Variants in MYO3A observed in about 807,000 individuals in gnomAD.
MYO3A encodes myosin IIIA, also known as myosin-IIIa.
In MYO3A, 180 loss-of-function variants were observed where a neutral mutation model predicts 192.7. That is an observed-to-expected ratio of 0.93 (90% confidence interval 0.83 to 1.06). The LOEUF is 1.06. MYO3A is among the 50% of genes least tolerant of loss of function. MYO3A has a pLI of 0.00. For missense variants in MYO3A, 1,896 were observed against 1,905.0 expected (o/e 1.00, Z 0.09); for synonymous variants, 628 against 645.3 (o/e 0.97, Z 0.41).
chr10:26,060,285 A>AG, intron 10 of MYO3A, among the ~76,000 whole-genome samples: 1 of 106,886 alleles, frequency 9.4e-6, no homozygotes, highest in South Asian at 3.2e-4. Context: ...AAATACATAC[A>AG]TAAATAAATA....
chr10:26,025,161 T>G (rs1172164115), intron 9 of MYO3A, among the ~76,000 whole-genome samples: 2 of 152,214 alleles, frequency 1.3e-5, no homozygotes, highest in Non-Finnish European at 2.9e-5. Context: ...GAGCACTTGT[T>G]CTTATTTTTT....
chr10:26,012,031 A>G (rs1461854867), intron 6 of MYO3A, among the ~76,000 whole-genome samples: 1 of 152,194 alleles, frequency 6.6e-6, no homozygotes, highest in Non-Finnish European at 1.5e-5. Context: ...CAGAAAAAGC[A>G]TTTAACAGAA....
chr10:26,099,108 C>T (rs1454576023), intron 17 of MYO3A, among the ~76,000 whole-genome samples: 3 of 152,106 alleles, frequency 2.0e-5, no homozygotes, highest in African/African-American at 2.4e-5. Context: ...TGTAGTTCTC[C>T]TTGAAGAGGT....
chr10:25,983,606 T>G (rs1839469983), intron 4 of MYO3A, among the ~76,000 whole-genome samples: 1 of 152,182 alleles, frequency 6.6e-6, no homozygotes, highest in African/African-American at 2.4e-5. Flanking sequence ...AATTTGGGAC[T>G]ATGTTAAATA....
intron 14 of MYO3A, among the ~76,000 whole-genome samples, chr10:26,086,716 A>G (rs1281870387): frequency 6.6e-6 from 1 of 152,082 alleles, no homozygotes; most frequent in Non-Finnish European, 1.5e-5. Flanking sequence ...TTCTAGAAGT[A>G]TCATTCTAAA....
chr10:26,081,787 T>G (rs1399477187), intron 14 of MYO3A, among the ~76,000 whole-genome samples: 3 of 152,154 alleles, frequency 2.0e-5, no homozygotes, highest in African/African-American at 7.2e-5. Flanking sequence ...ATGGATTCAG[T>G]TCCGTGTAAA....
At chr10:26,092,381 G>T (rs1021075353) in intron 15 of MYO3A, among the ~76,000 whole-genome samples, 14 of 151,880 alleles carry the variant, frequency 9.2e-5, no homozygotes, top group Non-Finnish European at 2.9e-5. Flanking sequence ...CAGGAGAATG[G>T]CATGAACCTG....
intron 10 of MYO3A, among the ~76,000 whole-genome samples, chr10:26,055,252 A>G (rs1192314677): frequency 1.3e-5 from 2 of 152,134 alleles, no homozygotes; most frequent in African/African-American, 4.8e-5. Context: ...CACCTTCATA[A>G]AGACAGGCTC....
chr10:26,129,439 C>T (rs141773885), intron 20 of MYO3A, among the ~76,000 whole-genome samples: 23 of 152,276 alleles, frequency 1.5e-4, no homozygotes, highest in African/African-American at 4.8e-4. Context: ...CTCCTCTGCT[C>T]CTCTCTGTCG....
chr10:26,101,814 C>T (rs950990254), intron 17 of MYO3A, among the ~76,000 whole-genome samples: 1 of 152,220 alleles, frequency 6.6e-6, no homozygotes, highest in African/African-American at 2.4e-5. Context: ...ACCTTTCTCT[C>T]TGGCTGCCCT....
intron 14 of MYO3A, among the ~76,000 whole-genome samples, chr10:26,087,083 G>C (rs1177733769): frequency 2.0e-5 from 3 of 152,054 alleles, no homozygotes; most frequent in African/African-American, 7.2e-5. Context: ...GAGGTGTTTG[G>C]TAGATAGAAC....
chr10:26,127,515 A>G (rs528819618), intron 19 of MYO3A, among the ~76,000 whole-genome samples: 1 of 152,202 alleles, frequency 6.6e-6, no homozygotes, highest in South Asian at 2.1e-4. Flanking sequence ...AAAGTATTCT[A>G]CAGCCTGGAT....
chr10:25,987,383 C>T (rs1839718060), intron 4 of MYO3A, among the ~76,000 whole-genome samples: 1 of 152,180 alleles, frequency 6.6e-6, no homozygotes, highest in Non-Finnish European at 1.5e-5. Context: ...AACTAAAAAG[C>T]TTCTGCGCAG....
chr10:26,026,316 G>GAAT, intron 9 of MYO3A, 61 bp from the exon 10 acceptor site: 1 of 1,579,296 alleles, frequency 6.3e-7, no homozygotes. Flanking sequence ...TTAGGAATAT[G>GAAT]AATAATAGTT....
At chr10:26,205,302 A>G (rs1237379132) in intron 34 of MYO3A, among the ~76,000 whole-genome samples, 1 of 152,160 alleles carries the variant, frequency 6.6e-6, no homozygotes, top group African/African-American at 2.4e-5. Context: ...CAAGTACACA[A>G]TACATTTCTA....
At chr10:26,068,048 A>T (rs1476242677) in intron 11 of MYO3A, among the ~76,000 whole-genome samples, 1 of 152,210 alleles carries the variant, frequency 6.6e-6, no homozygotes, top group African/African-American at 2.4e-5. Flanking sequence ...CTGAATTCTT[A>T]CATATAAAAT....
chr10:26,040,196 G>A (rs1236803492), intron 10 of MYO3A, among the ~76,000 whole-genome samples: 1 of 150,790 alleles, frequency 6.6e-6, no homozygotes, highest in Non-Finnish European at 1.5e-5. Flanking sequence ...AGTACAGCTT[G>A]CTGCTATTGC....
At position 25,997,174 on chromosome 10, in the gene MYO3A, C is replaced by T. The variant is rs140301218; in HGVS notation, c.424C>T (p.His142Tyr). Residue 142 changes from histidine (H) to tyrosine (Y), a missense_variant, in exon 6 of 35, where the codon CAT becomes TAT. Transcript: ENST00000642920. ...HEALMGLQHL[H>Y]NNKTIHRDVK... ...TATCTTCTAGGGACTTCAACATTTG[C>T]ATAACAACAAAACTATCCACAGAGA... is the stretch of plus-strand genomic sequence containing the variant. The T allele has an allele frequency of 2.2e-4, 350 of 1,612,892 alleles. No individual in the cohort carries two copies. The African/African-American group carries it at 3.8e-3, about 18-fold the overall frequency.
intron 10 of MYO3A, among the ~76,000 whole-genome samples, chr10:26,033,939 A>G (rs140050133): frequency 5.2e-4 from 79 of 152,286 alleles, no homozygotes; most frequent in Non-Finnish European, 6.8e-4. Context: ...CTGTAAGGGG[A>G]AAACCCAGAA....
Sources: gnomAD v4.1 joint callset for allele counts (sites outside exome capture counted in the v4.1 genomes callset) on GRCh38, gnomAD v4.1.1 for gene constraint, MANE v1.5 for transcripts, NCBI Gene and HGNC (gene_info 2026-07-23, HGNC 2026-07-21) for gene names.